The following DCBLD1 variants were observed in gnomAD, a reference collection of about 807,000 sequenced individuals.
DCBLD1 encodes discoidin, CUB and LCCL domain-containing protein 1.
DCBLD1 carries 57 observed loss-of-function variants against 71.5 expected under a neutral mutation model. The ratio of observed to expected loss-of-function variants is 0.80; its 90% CI spans 0.64 to 0.99. DCBLD1 has a LOEUF of 0.99. Among genes scored for constraint, DCBLD1 ranks in the 50% least tolerant of loss-of-function variants. DCBLD1 has a pLI of 0.00. For synonymous variants in DCBLD1, 380 were observed against 363.8 expected, an observed-to-expected ratio of 1.04 and a Z score of -0.51; for missense variants, 891 against 923.5, an observed-to-expected ratio of 0.96 and a Z score of 0.46.
chr6:117,555,775 G>A (rs1405893297), intron 14 of DCBLD1, among the ~76,000 whole-genome samples: 2 of 152,122 alleles, frequency 1.3e-5, no homozygotes, highest in Non-Finnish European at 2.9e-5. Context: ...CCATCAAACC[G>A]TGCACCTTTT....
intron 1 of DCBLD1, among the ~76,000 whole-genome samples, chr6:117,488,005 C>T (rs1444722994): frequency 6.6e-6 from 1 of 152,168 alleles, no homozygotes; most frequent in East Asian, 1.9e-4. Context: ...GAAATAGAGT[C>T]GTGACTGTGA....
At chr6:117,514,965 C>G (rs1355764447) in intron 2 of DCBLD1, among the ~76,000 whole-genome samples, 1 of 150,328 alleles carries the variant, frequency 6.7e-6, no homozygotes, top group Non-Finnish European at 1.5e-5. Context: ...AAAAAAAAAT[C>G]TAAGCAAGTT....
intron 7 of DCBLD1, among the ~76,000 whole-genome samples, chr6:117,537,939 C>T (rs544202159): frequency 6.6e-6 from 1 of 151,998 alleles, no homozygotes; most frequent in Admixed American, 6.5e-5. Context: ...AGAGAAAAAG[C>T]TTTCAAATAT....
intron 9 of DCBLD1, 158 bp downstream of exon 9, chr6:117,539,537 A>G (rs960538025): frequency 1.6e-5 from 13 of 823,106 alleles, no homozygotes; most frequent in East Asian, 1.0e-4. Flanking sequence ...AAGCCAAGGC[A>G]GGAGGATCAT....
Position 117,522,144 on chromosome 6 carries a change from A to G in DCBLD1, c.512+568A>G, listed in dbSNP as rs373448105. On this transcript the variant is annotated intron_variant, in intron 4 of 14. Coordinates refer to ENST00000338728, the MANE Select transcript of DCBLD1 (RefSeq NM_001366458.2). ...CAACCCAGCTTTAGCTGGAAAAACT[A>G]CTTAGTCACTTTGATGTACATTTGC... Among the ~76,000 whole-genome samples, 26 of 152,334 alleles carry G rather than the reference A, an allele frequency of 1.7e-4. 1 individual carries two copies. Among genetic ancestry groups the G allele is most frequent in the East Asian group, 1.2e-3 (6 of 5,184 alleles).
At chr6:117,525,199 A>G (rs1244216909) in intron 4 of DCBLD1, among the ~76,000 whole-genome samples, 163 bp from the exon 5 acceptor site, 2 of 152,166 alleles carry the variant, frequency 1.3e-5, no homozygotes, top group African/African-American at 4.8e-5. Flanking sequence ...CTTCAGATGA[A>G]CATTATAGAT....
intron 1 of DCBLD1, among the ~76,000 whole-genome samples, chr6:117,489,371 A>G (rs568662268): frequency 6.6e-6 from 1 of 152,284 alleles, no homozygotes; most frequent in African/African-American, 2.4e-5. Context: ...AATACCTCTC[A>G]CCAGGCCCCA....
intron 1 of DCBLD1, among the ~76,000 whole-genome samples, chr6:117,502,261 T>C (rs1777688150): frequency 6.6e-6 from 1 of 152,178 alleles, no homozygotes; most frequent in Admixed American, 6.5e-5. Flanking sequence ...TCATAGTAGT[T>C]TTATCTTGGC....
intron 7 of DCBLD1, 57 bp from the exon 8 acceptor site, chr6:117,538,563 T>C: frequency 1.3e-6 from 2 of 1,538,752 alleles, no homozygotes; most frequent in South Asian, 1.2e-5. Context: ...TACTACTTTT[T>C]TTTTTGCTGT....
intron 2 of DCBLD1, among the ~76,000 whole-genome samples, chr6:117,514,500 G>A (rs2114468058): frequency 6.6e-6 from 1 of 151,810 alleles, no homozygotes; most frequent in South Asian, 2.1e-4. Flanking sequence ...CAGCTTCTTG[G>A]AAGGCTGAGG....
chr6:117,547,109 G>T (rs527788518), intron 14 of DCBLD1, among the ~76,000 whole-genome samples: 1 of 152,036 alleles, frequency 6.6e-6, no homozygotes, highest in Non-Finnish European at 1.5e-5. Flanking sequence ...CTCACTTTTT[G>T]ATCTTTTCCT....
At chr6:117,542,911 G>C (rs1012674139) in intron 11 of DCBLD1, among the ~76,000 whole-genome samples, 1 of 152,114 alleles carries the variant, frequency 6.6e-6, no homozygotes, top group Non-Finnish European at 1.5e-5. Context: ...CTGTCTCTGG[G>C]GGGCTGGGGG....
chr6:117,541,715 T>C (rs1171372092), intron 11 of DCBLD1, among the ~76,000 whole-genome samples: 1 of 152,212 alleles, frequency 6.6e-6, no homozygotes, highest in East Asian at 1.9e-4. Flanking sequence ...CATAAATCAG[T>C]ATCCGTAGAT....
chr6:117,489,666 C>T (rs1385848307), intron 1 of DCBLD1, among the ~76,000 whole-genome samples: 1 of 152,144 alleles, frequency 6.6e-6, no homozygotes, highest in Non-Finnish European at 1.5e-5. Flanking sequence ...GGGTGGATCA[C>T]AAGGTCAGGA....
rs780079868 is a variant in DCBLD1 at position 117,538,761 on chromosome 6, C to G, written c.902C>G (p.Ser301Trp). 2 of 1,614,054 alleles carry G rather than the reference C, an allele frequency of 1.2e-6. No individual in the cohort carries two copies. The highest frequency in any genetic ancestry group is 3.3e-5 in the Admixed American group (2 of 60,022). ...CAGGACCAAGGCCCATCATGGGCTT[C>G]GGGCGACAGTAGCAACAACCACAAA... Reference protein sequence around the residue: ...RLQDQGPSWASGDSSNNHKPR... With the variant: ...RLQDQGPSWAWGDSSNNHKPR... The change falls in exon 8 of 15, where the codon TCG becomes TGG. Residue 301 changes from serine to tryptophan, a missense_variant. Coordinates refer to ENST00000338728, the MANE Select transcript of DCBLD1 (RefSeq NM_001366458.2).
Position 117,543,139 on chromosome 6 carries a change from CGGT to C in DCBLD1, c.1376_1378del (p.Val459del). 1 of 1,613,968 alleles carries C rather than the reference CGGT, an allele frequency of 6.2e-7. No individual in the cohort carries two copies. The highest frequency in any genetic ancestry group is 8.5e-7 in the Non-Finnish European group (1 of 1,179,894). Reference sequence around the variant, plus strand: ...TCTTCTTTAGGAATAAACATTACAACGGTGGCTATTCCATTGGTGCTCCTTGTT... The same window carrying C: ...TCTTCTTTAGGAATAAACATTACAACGGCTATTCCATTGGTGCTCCTTGTT... On this transcript the variant is annotated inframe_deletion, in exon 12 of 15. Transcript: ENST00000338728.
chr6:117,536,495 A>G (rs1164947266), intron 6 of DCBLD1, among the ~76,000 whole-genome samples: 1 of 152,228 alleles, frequency 6.6e-6, no homozygotes, highest in Non-Finnish European at 1.5e-5. Context: ...GGCTGATGCA[A>G]TCATTTCTCC....
intron 2 of DCBLD1, among the ~76,000 whole-genome samples, chr6:117,512,737 G>A (rs1778065307): frequency 6.6e-6 from 1 of 152,134 alleles, no homozygotes; most frequent in Non-Finnish European, 1.5e-5. Flanking sequence ...AGAATTGTGT[G>A]CTTCAGATGA....
chr6:117,569,442 TAAATC>T (rs1779762240), intron 14 of DCBLD1: 2 of 1,250,970 alleles, frequency 1.6e-6, no homozygotes, highest in Admixed American at 6.2e-5. Context: ...ATAAAAGCAT[TAAATC>T]AAAGGAAACA....
Sources: allele counts gnomAD v4.1 joint callset (sites outside exome capture counted in the v4.1 genomes callset), GRCh38; gene constraint gnomAD v4.1.1; transcripts MANE v1.5; gene names NCBI Gene and HGNC (gene_info 2026-07-23, HGNC 2026-07-21).